The following HMCN1 variants were observed in gnomAD, a reference collection of about 807,000 sequenced individuals.
HMCN1 encodes hemicentin-1.
HMCN1 carries 321 observed loss-of-function variants against 625.9 expected under a neutral mutation model. The observed-to-expected ratio is 0.51, with a 90% CI of 0.47 to 0.56. The LOEUF is 0.56. Ranked by LOEUF, HMCN1 falls within the 20% of genes least tolerant of loss-of-function variation. The pLI is 0.00. For missense variants in HMCN1, 6,588 were observed against 6,887.3 expected, an observed-to-expected ratio of 0.96 and a Z score of 1.54; for synonymous variants, 2,425 against 2,417.6, an observed-to-expected ratio of 1.00 and a Z score of -0.09.
At position 186,015,374 on chromosome 1, in the gene HMCN1, T is replaced by C. The variant is rs1558145218; in HGVS notation, c.4846T>C (p.Tyr1616His). ...PRAQVSDSAT[Y>H]TCHVANVAGT... The stretch of plus-strand genomic sequence containing the variant: ...AGCACAGGTCTCTGATTCAGCAACA[T>C]ATACGTGTCATGTAGCCAATGTTGC... The change falls in exon 31 of 107, where the codon TAT becomes CAT. Residue 1616 changes from tyrosine to histidine, a missense_variant. Transcript: ENST00000271588. The C allele has an allele frequency of 2.5e-6, 4 of 1,613,728 alleles. No homozygotes were observed. The highest frequency in any genetic ancestry group is 3.4e-6 in the Non-Finnish European group (4 of 1,179,728).
intron 4 of HMCN1, among the ~76,000 whole-genome samples, chr1:185,891,947 C>T (rs963885376): frequency 7.3e-5 from 11 of 149,930 alleles, no homozygotes; most frequent in Admixed American, 1.3e-4. Context: ...TTTAGGTACA[C>T]CAATCAGATG....
At position 186,189,747 on chromosome 1, in the gene HMCN1, A is replaced by G; in HGVS notation, c.16777A>G (p.Thr5593Ala). 1.9e-6 allele frequency: 3 copies of G among 1,613,778 alleles called. No homozygotes were observed. Among genetic ancestry groups the G allele is most frequent in the Non-Finnish European group, 8.5e-7 (1 of 1,179,830 alleles). ...TGAAAACCTGAAAGGAGTGGTGTATACAACACGACCACTACGAGAAGCAGA... is the reference window on the plus strand; with the variant it reads ...TGAAAACCTGAAAGGAGTGGTGTATGCAACACGACCACTACGAGAAGCAGA... Reference protein sequence around the residue: ...RDENLKGVVYTTRPLREAETY... With the variant: ...RDENLKGVVYATRPLREAETY... The change falls in exon 107 of 107, where the codon ACA (threonine) becomes GCA (alanine). Residue 5593 changes from threonine to alanine, a missense_variant. By Grantham distance (58) the Thr-to-Ala change is moderately conservative. This residue lies in a region of HMCN1 where 1,954 missense variants were observed against 2,013.1 expected (regional missense o/e 0.97). Coordinates refer to ENST00000271588, the MANE Select transcript of HMCN1 (RefSeq NM_031935.3).
chr1:185,947,704 T>C (rs562360021), intron 11 of HMCN1, among the ~76,000 whole-genome samples: 1 of 152,336 alleles, frequency 6.6e-6, no homozygotes, highest in South Asian at 2.1e-4. Context: ...GGTTTTAGTT[T>C]TCATTTTTTT....
chr1:185,783,397 G>A (rs1225753145), intron 1 of HMCN1, among the ~76,000 whole-genome samples: 6 of 152,178 alleles, frequency 3.9e-5, no homozygotes, highest in East Asian at 1.9e-4. Flanking sequence ...GAGGAGCTAC[G>A]TTTCTTTGGA....
rs1008123486 is a variant in HMCN1, at chr1:186,152,516, C to T, written c.14897-234C>T. ...GCCTGTGAATTTAAAGTATGAAATT[C>T]GTGTAACCGTTTGCCACATTTTTGC... On this transcript the variant is annotated intron_variant, in intron 95 of 106. Transcript: ENST00000271588. 3.9e-5 allele frequency among the ~76,000 whole-genome samples: 6 copies of T among 152,060 alleles called. No homozygotes were observed. In the East Asian group the frequency reaches 1.2e-3, roughly 29 times the overall value.
At chr1:186,098,063 A>G (rs1167721139) in intron 68 of HMCN1, among the ~76,000 whole-genome samples, 5 of 152,164 alleles carry the variant, frequency 3.3e-5, no homozygotes, top group African/African-American at 1.2e-4. Flanking sequence ...AAAATGGATT[A>G]AAGAGTTAAA....
rs765785821 is a variant in HMCN1 at position 186,113,972 on chromosome 1, T to C, written c.11132-7T>C. On this transcript the variant is annotated splice_polypyrimidine_tract_variant and splice_region_variant and intron_variant, in intron 72 of 106. Coordinates refer to ENST00000271588, the MANE Select transcript of HMCN1 (RefSeq NM_031935.3). Reference sequence around the variant, plus strand: ...ACTGAATTTTTTCATGTGTATCTCTTGTTCAGTTCCTCCAAACATAAAGGG... The same window carrying C: ...ACTGAATTTTTTCATGTGTATCTCTCGTTCAGTTCCTCCAAACATAAAGGG... 6.2e-7 allele frequency: 1 copy of C among 1,614,114 alleles called. No homozygotes were observed.
chr1:186,039,410 GCA>G (rs34723003), intron 38 of HMCN1, among the ~76,000 whole-genome samples: 375 of 147,640 alleles, frequency 2.5e-3, no homozygotes, highest in East Asian at 0.019. Context: ...GTGTTCATGT[GCA>G]CACACACACA....
At chr1:186,111,831 A>C (rs1244589120) in intron 71 of HMCN1, among the ~76,000 whole-genome samples, 1 of 152,192 alleles carries the variant, frequency 6.6e-6, no homozygotes, top group Non-Finnish European at 1.5e-5. Flanking sequence ...AATAGAGAAA[A>C]TGTGTAAACT....
In HMCN1 at chr1:186,003,887, G is replaced by A. The variant is rs750617358; in HGVS notation, c.4475+43G>A. On this transcript the variant is annotated intron_variant, in intron 29 of 106. Transcript: ENST00000271588. ...ATTTGTTGCAAGGTTTCAATGATAG[G>A]AAAAAGATGTGAAAAATGCATGTGG... 8 of 1,597,462 alleles carry A rather than the reference G, an allele frequency of 5.0e-6. No homozygotes were observed. The East Asian group carries it at 1.8e-4, about 36-fold the overall frequency.
chr1:185,958,957 G>C (rs970174054), intron 11 of HMCN1, among the ~76,000 whole-genome samples: 1 of 152,152 alleles, frequency 6.6e-6, no homozygotes, highest in African/African-American at 2.4e-5. Flanking sequence ...AAGAGATTTA[G>C]TTCCTAATTT....
In HMCN1 at chr1:186,035,612, A is replaced by G. The variant is rs10911800; in HGVS notation, c.5750-2322A>G. Among the ~76,000 whole-genome samples the G allele has an allele frequency of 6.3e-3, 966 of 152,202 alleles. 14 individuals are homozygous for G. The highest frequency in any genetic ancestry group is 0.022 in the African/African-American group (900 of 41,558). On this transcript the variant is annotated intron_variant, in intron 36 of 106. Transcript: ENST00000271588. ...TTAGTGACATTCTATAGGTTTTAAT[A>G]TTAATCAATTTCACTTTATTTTTCT...
At chr1:185,983,439 A>G (rs1344241218) in intron 18 of HMCN1, among the ~76,000 whole-genome samples, 1 of 152,182 alleles carries the variant, frequency 6.6e-6, no homozygotes, top group Non-Finnish European at 1.5e-5. Context: ...AAAAATAAAA[A>G]ATAAAAATTA....
intron 1 of HMCN1, among the ~76,000 whole-genome samples, chr1:185,799,181 G>T (rs1658613829): frequency 6.6e-6 from 1 of 152,176 alleles, no homozygotes; most frequent in African/African-American, 2.4e-5. Flanking sequence ...TTCAAATGCT[G>T]GTTGTAGTTG....
At position 186,041,081 on chromosome 1, in the gene HMCN1, C is replaced by T. The variant is rs368334157; in HGVS notation, c.6249C>T (p.Cys2083=). 9 of 1,612,014 alleles carry T rather than the reference C, an allele frequency of 5.6e-6. No individual in the cohort carries two copies. Among genetic ancestry groups the T allele is most frequent in the Middle Eastern group, 1.7e-4 (1 of 6,044 alleles). ...AQISDTGRYT[C]VAVNAAGEKQ... ...TCAGCGACACAGGAAGGTACACCTGCGTGGCAGTGAATGCTGCTGGAGAAA... is the reference window on the plus strand; with the variant it reads ...TCAGCGACACAGGAAGGTACACCTGTGTGGCAGTGAATGCTGCTGGAGAAA... Residue 2083 remains cysteine, a synonymous_variant, in exon 40 of 107, where the codon TGC becomes TGT. Coordinates refer to ENST00000271588, the MANE Select transcript of HMCN1 (RefSeq NM_031935.3).
chr1:186,022,943 AT>A, intron 35 of HMCN1, 86 bp from the exon 36 acceptor site: 2 of 1,323,100 alleles, frequency 1.5e-6, no homozygotes, highest in South Asian at 2.4e-5. Context: ...GATATTATAA[AT>A]TTAAATGAAT....
intron 104 of HMCN1, among the ~76,000 whole-genome samples, chr1:186,179,417 T>G (rs1652800377): frequency 6.6e-6 from 1 of 152,220 alleles, no homozygotes; most frequent in African/African-American, 2.4e-5. Flanking sequence ...AATTTCCCAC[T>G]TAAGAATTGA....
chr1:185,963,954 C>G, intron 13 of HMCN1, 59 bp downstream of exon 13: 1 of 1,471,872 alleles, frequency 6.8e-7, no homozygotes, highest in Non-Finnish European at 9.5e-7. Flanking sequence ...TCAAGCAATG[C>G]AAAAGTACTT....
chr1:186,182,050 G>A, intron 104 of HMCN1, 118 bp from the exon 105 acceptor site: 1 of 1,110,654 alleles, frequency 9.0e-7, no homozygotes, highest in Non-Finnish European at 1.4e-6. Context: ...TAACACATGA[G>A]TATAAAATCA....
Sources: allele counts gnomAD v4.1 joint callset (sites outside exome capture counted in the v4.1 genomes callset), GRCh38; gene constraint gnomAD v4.1.1; regional missense constraint gnomAD v4.1.1; transcripts MANE v1.5; gene names NCBI Gene and HGNC (gene_info 2026-07-23, HGNC 2026-07-21).